Variants in ROBO1 observed in about 807,000 individuals in gnomAD.
ROBO1 encodes roundabout guidance receptor 1, also known as roundabout homolog 1.
Under a neutral mutation model 195.9 loss-of-function variants are expected in ROBO1, and 149 were observed. The ratio of observed to expected loss-of-function variants is 0.76; its 90% CI spans 0.67 to 0.87. The LOEUF (loss-of-function observed/expected upper bound fraction) is 0.87. Ranked by LOEUF, ROBO1 falls within the 40% of genes least tolerant of loss-of-function variation. ROBO1 has a pLI of 0.00. For missense variants in ROBO1, 1,933 were observed against 2,068.3 expected, an observed-to-expected ratio of 0.93 and a Z score of 1.27; for synonymous variants, 816 against 733.2, an observed-to-expected ratio of 1.11 and a Z score of -1.82.
intron 2 of ROBO1, among the ~76,000 whole-genome samples, chr3:79,553,234 T>A (rs1942583582): frequency 6.6e-6 from 1 of 152,022 alleles, no homozygotes; most frequent in Non-Finnish European, 1.5e-5. Flanking sequence ...ACTCTAATTG[T>A]GCTTATTCCA....
chr3:79,364,257 T>C (rs1577024642), intron 2 of ROBO1, among the ~76,000 whole-genome samples: 1 of 148,420 alleles, frequency 6.7e-6, no homozygotes, highest in African/African-American at 2.5e-5. Context: ...TATATACATA[T>C]ATATACACAC....
chr3:78,809,802 GAC>G (rs2084675568), intron 4 of ROBO1, among the ~76,000 whole-genome samples: 2 of 141,996 alleles, frequency 1.4e-5, no homozygotes, highest in South Asian at 4.5e-4. Context: ...AGAACACATG[GAC>G]ACAGGGAGGG....
chr3:78,708,274 G>C (rs954259356), intron 8 of ROBO1, among the ~76,000 whole-genome samples: 1 of 152,022 alleles, frequency 6.6e-6, no homozygotes, highest in African/African-American at 2.4e-5. Flanking sequence ...TCTTTCGTTT[G>C]GAAGAGCACT....
intron 4 of ROBO1, among the ~76,000 whole-genome samples, chr3:78,784,240 A>T (rs2083764403): frequency 6.6e-6 from 1 of 152,112 alleles, no homozygotes; most frequent in Non-Finnish European, 1.5e-5. Context: ...TCAATCACTT[A>T]ATCTGTAGAA....
chr3:79,058,901 C>A (rs561837208), intron 3 of ROBO1, among the ~76,000 whole-genome samples: 76 of 152,182 alleles, frequency 5.0e-4, no homozygotes, highest in African/African-American at 1.7e-3. Context: ...TAAATACAGT[C>A]ACTCCAATGG....
At chr3:79,766,252 A>T (rs1249547290) in intron 1 of ROBO1, among the ~76,000 whole-genome samples, 1 of 151,604 alleles carries the variant, frequency 6.6e-6, no homozygotes, top group Non-Finnish European at 1.5e-5. Flanking sequence ...ATTGCCCTAA[A>T]TTGCTTGTTT....
At chr3:79,241,105 C>A (rs188391077) in intron 2 of ROBO1, among the ~76,000 whole-genome samples, 98 of 152,112 alleles carry the variant, frequency 6.4e-4, no homozygotes, top group African/African-American at 2.2e-3. Flanking sequence ...CTTAATCTTC[C>A]AACAGATTTT....
At chr3:79,624,957 C>T (rs867082766) in intron 1 of ROBO1, among the ~76,000 whole-genome samples, 23 of 152,284 alleles carry the variant, frequency 1.5e-4, no homozygotes, top group African/African-American at 4.8e-4. Context: ...AAGTAAAACA[C>T]TCCTCAACAA....
At chr3:79,464,811 T>C (rs1163906527) in intron 2 of ROBO1, among the ~76,000 whole-genome samples, 1 of 152,196 alleles carries the variant, frequency 6.6e-6, no homozygotes. Flanking sequence ...TGATCAATAC[T>C]CTCTGTGAAA....
chr3:79,547,184 C>CAAAAAAA (rs1162585941), intron 2 of ROBO1, among the ~76,000 whole-genome samples: 442 of 23,280 alleles, frequency 0.019, 57 homozygotes, highest in East Asian at 0.037. Flanking sequence ...GACTCCGCCT[C>CAAAAAAA]AAAAAAAAAA....
At chr3:79,698,698 AAAGGGAACC>A (rs1947519511) in intron 1 of ROBO1, among the ~76,000 whole-genome samples, 1 of 151,594 alleles carries the variant, frequency 6.6e-6, no homozygotes, top group Admixed American at 6.6e-5. Context: ...AAGTATTCCT[AAAGGGAACC>A]ACCATTAATA....
intron 4 of ROBO1, among the ~76,000 whole-genome samples, chr3:78,814,676 T>TTCA (rs1353368671): frequency 6.6e-6 from 1 of 152,228 alleles, no homozygotes; most frequent in Admixed American, 6.5e-5. Flanking sequence ...GCAAACTGAA[T>TTCA]TCAAGCCGTA....
At chr3:79,575,566 A>G (rs1331552926) in intron 2 of ROBO1, among the ~76,000 whole-genome samples, 1 of 138,958 alleles carries the variant, frequency 7.2e-6, no homozygotes, top group East Asian at 2.1e-4. Flanking sequence ...AAATATATAT[A>G]AATATATATA....
At chr3:78,686,728 G>A (rs1254011917) in intron 9 of ROBO1, among the ~76,000 whole-genome samples, 1 of 151,916 alleles carries the variant, frequency 6.6e-6, no homozygotes. Flanking sequence ...TAAATTCAAG[G>A]ATACCATTTT....
intron 2 of ROBO1, among the ~76,000 whole-genome samples, chr3:79,149,545 T>TG (rs34568634): frequency 1.3e-3 from 181 of 143,662 alleles, no homozygotes; most frequent in African/African-American, 4.6e-3. Flanking sequence ...TTGTTGTTGT[T>TG]TTTGTCTTTC....
intron 3 of ROBO1, among the ~76,000 whole-genome samples, chr3:79,109,229 T>C (rs1483497927): frequency 6.6e-6 from 1 of 151,900 alleles, no homozygotes; most frequent in Non-Finnish European, 1.5e-5. Flanking sequence ...TGTTATATAG[T>C]AGCTTTAAAA....
chr3:78,696,641 TATATATATATACAC>T (rs1244986147), intron 8 of ROBO1, among the ~76,000 whole-genome samples: 8 of 147,564 alleles, frequency 5.4e-5, no homozygotes, highest in South Asian at 2.1e-4. Context: ...CATGCATATA[TATATATATATACAC>T]ATATATATAC....
At chr3:79,071,181 C>T (rs1030835919) in intron 3 of ROBO1, among the ~76,000 whole-genome samples, 3 of 151,574 alleles carry the variant, frequency 2.0e-5, no homozygotes, top group Non-Finnish European at 4.4e-5. Flanking sequence ...TTCAATTTAC[C>T]CTTTCATTTA....
chr3:78,869,720 A>C (rs1320067681), intron 4 of ROBO1, among the ~76,000 whole-genome samples: 1 of 151,986 alleles, frequency 6.6e-6, no homozygotes, highest in Non-Finnish European at 1.5e-5. Flanking sequence ...CAGCCTCCTT[A>C]AGTGCTGGGG....
Sources: gnomAD v4.1 joint callset for allele counts (sites outside exome capture counted in the v4.1 genomes callset) on GRCh38, gnomAD v4.1.1 for gene constraint, MANE v1.5 for transcripts, NCBI Gene and HGNC (gene_info 2026-07-23, HGNC 2026-07-21) for gene names.